Variants in DPP10 observed in about 807,000 individuals in gnomAD.
DPP10 encodes dipeptidyl peptidase like 10, also known as inactive dipeptidyl peptidase 10.
In DPP10, 33 loss-of-function variants were observed where a neutral mutation model predicts 120.9. The observed-to-expected ratio is 0.27, with a 90% CI of 0.21 to 0.37. The LOEUF (loss-of-function observed/expected upper bound fraction) is 0.37, where lower values mean the gene tolerates loss of function less well. Among genes scored for constraint, DPP10 ranks in the 10% least tolerant of loss-of-function variants. DPP10 has a pLI of 1.00. For missense variants in DPP10, 816 were observed against 942.8 expected, an observed-to-expected ratio of 0.87 and a Z score of 1.76; for synonymous variants, 337 against 326.1, an observed-to-expected ratio of 1.03 and a Z score of -0.36.
intron 5 of DPP10, among the ~76,000 whole-genome samples, chr2:115,578,628 G>A (rs1200778645): frequency 3.3e-5 from 5 of 152,144 alleles, no homozygotes; most frequent in Admixed American, 6.5e-5. Flanking sequence ...GATAAAACAA[G>A]TCAAGGAAAT....
intron 1 of DPP10, among the ~76,000 whole-genome samples, chr2:114,574,559 G>A (rs903407635): frequency 2.6e-5 from 4 of 152,114 alleles, no homozygotes; most frequent in Non-Finnish European, 4.4e-5. Flanking sequence ...AGTCATAATC[G>A]CACCTGAGGC....
intron 1 of DPP10, among the ~76,000 whole-genome samples, chr2:114,784,099 T>C (rs1682562649): frequency 6.6e-6 from 1 of 152,086 alleles, no homozygotes; most frequent in African/African-American, 2.4e-5. Context: ...GGTTGGGACC[T>C]GATGTGAAAA....
chr2:115,367,810 A>G (rs1305582450), intron 3 of DPP10, among the ~76,000 whole-genome samples: 1 of 152,034 alleles, frequency 6.6e-6, no homozygotes, highest in East Asian at 1.9e-4. Flanking sequence ...ACTATATCTA[A>G]TAAAACTAGT....
intron 5 of DPP10, among the ~76,000 whole-genome samples, chr2:115,645,619 C>T (rs1484463183): frequency 6.6e-6 from 1 of 152,126 alleles, no homozygotes; most frequent in Admixed American, 6.5e-5. Flanking sequence ...CATGTTATAT[C>T]CCCTTCTTCC....
rs114207075 is a variant in DPP10 at position 114,546,956 on chromosome 2, G to C, written c.60+104118G>C. 6.8e-3 allele frequency among the ~76,000 whole-genome samples: 1,029 copies of C among 152,322 alleles called. 7 individuals carry two copies. The highest frequency in any genetic ancestry group is 0.023 in the African/African-American group (971 of 41,562). On this transcript the variant is annotated intron_variant, in intron 1 of 25. Transcript: ENST00000410059. ...TGATCCCCAGACTTCTCACTAAGGAGAGAGAAGTCCATTTATTAGCTCTGG... is the reference window on the plus strand; with the variant it reads ...TGATCCCCAGACTTCTCACTAAGGACAGAGAAGTCCATTTATTAGCTCTGG...
chr2:114,455,409 G>C (rs937152358), intron 1 of DPP10, among the ~76,000 whole-genome samples: 11 of 152,092 alleles, frequency 7.2e-5, no homozygotes, highest in African/African-American at 2.7e-4. Flanking sequence ...GCCAGGCGTG[G>C]TGTCTCACGC....
At chr2:115,084,640 G>A (rs562133528) in intron 1 of DPP10, among the ~76,000 whole-genome samples, 1 of 152,298 alleles carries the variant, frequency 6.6e-6, no homozygotes, top group South Asian at 2.1e-4. Context: ...GGAAAAGCTG[G>A]TCAGGAAGAG....
intron 1 of DPP10, among the ~76,000 whole-genome samples, chr2:115,307,349 G>A (rs1313962236): frequency 6.6e-6 from 1 of 152,054 alleles, no homozygotes; most frequent in African/African-American, 2.4e-5. Flanking sequence ...AGCATATCAA[G>A]ATCATAATCA....
intron 3 of DPP10, among the ~76,000 whole-genome samples, chr2:115,441,808 T>C (rs1192444832): frequency 1.4e-5 from 2 of 145,572 alleles, no homozygotes; most frequent in African/African-American, 2.7e-5. Flanking sequence ...GTTTCTTTTT[T>C]CTTTCTTTCT....
chr2:114,497,079 A>G (rs982791544), intron 1 of DPP10, among the ~76,000 whole-genome samples: 14 of 150,312 alleles, frequency 9.3e-5, no homozygotes, highest in African/African-American at 1.7e-4. Flanking sequence ...ACATATACAT[A>G]TACATGTACA....
At chr2:115,759,084 G>T (rs1679780407) in intron 11 of DPP10, among the ~76,000 whole-genome samples, 1 of 151,946 alleles carries the variant, frequency 6.6e-6, no homozygotes, top group African/African-American at 2.4e-5. Context: ...TCTCATCAAA[G>T]ACACCATTAG....
chr2:115,553,693 A>G (rs1390571816), intron 5 of DPP10, among the ~76,000 whole-genome samples: 5 of 152,002 alleles, frequency 3.3e-5, no homozygotes, highest in Admixed American at 1.3e-4. Flanking sequence ...CTGCACTATG[A>G]TCTTTGTAGC....
At chr2:114,484,466 G>A (rs1161211553) in intron 1 of DPP10, among the ~76,000 whole-genome samples, 2 of 152,270 alleles carry the variant, frequency 1.3e-5, no homozygotes, top group East Asian at 1.9e-4. Context: ...CTTAATAACA[G>A]CAAGTAAAAA....
intron 1 of DPP10, among the ~76,000 whole-genome samples, chr2:115,015,567 A>C (rs755428492): frequency 2.0e-5 from 3 of 152,060 alleles, no homozygotes; most frequent in Non-Finnish European, 4.4e-5. Flanking sequence ...AATTTTCTCT[A>C]TTTGCAGATA....
intron 1 of DPP10, among the ~76,000 whole-genome samples, chr2:114,526,948 C>A (rs1685551715): frequency 6.6e-6 from 1 of 152,162 alleles, no homozygotes; most frequent in African/African-American, 2.4e-5. Flanking sequence ...AATTATCATT[C>A]CAAACTTAAC....
intron 3 of DPP10, among the ~76,000 whole-genome samples, chr2:115,464,885 CAGTT>C (rs879523713): frequency 3.3e-5 from 5 of 152,228 alleles, no homozygotes; most frequent in Admixed American, 6.5e-5. Flanking sequence ...ACTCAGTTCA[CAGTT>C]AGATTTCCAT....
intron 1 of DPP10, among the ~76,000 whole-genome samples, chr2:115,126,086 A>G (rs548250269): frequency 6.6e-6 from 1 of 152,256 alleles, no homozygotes; most frequent in South Asian, 2.1e-4. Flanking sequence ...ATTGCTACTG[A>G]CAAAAATTAT....
At chr2:115,617,693 G>A (rs2084628902) in intron 5 of DPP10, among the ~76,000 whole-genome samples, 2 of 151,936 alleles carry the variant, frequency 1.3e-5, no homozygotes, top group South Asian at 4.2e-4. Flanking sequence ...TAGGAGGCTA[G>A]ACCACCTAGG....
chr2:115,125,634 T>C (rs2050037990), intron 1 of DPP10, among the ~76,000 whole-genome samples: 1 of 145,784 alleles, frequency 6.9e-6, no homozygotes, highest in Admixed American at 7.2e-5. Flanking sequence ...TGCAGTGGCA[T>C]GATCTTGGCT....
Sources: gnomAD v4.1 joint callset for allele counts (sites outside exome capture counted in the v4.1 genomes callset) on GRCh38, gnomAD v4.1.1 for gene constraint, MANE v1.5 for transcripts, NCBI Gene and HGNC (gene_info 2026-07-23, HGNC 2026-07-21) for gene names.